Variants in SLC25A13 observed in about 807,000 individuals in gnomAD.
SLC25A13 encodes the protein electrogenic aspartate/glutamate antiporter SLC25A13, mitochondrial.
In SLC25A13, 70 loss-of-function variants were observed where a neutral mutation model predicts 85.5. That is an observed-to-expected ratio of 0.82 (90% confidence interval 0.68 to 1.00). The LOEUF (loss-of-function observed/expected upper bound fraction) is 1.00, where lower values mean the gene tolerates loss of function less well. Ranked by LOEUF, SLC25A13 falls within the 50% of genes least tolerant of loss-of-function variation. The probability of loss-of-function intolerance (pLI) is 0.00; values close to 1 mark genes in which losing one functional copy is unlikely to be tolerated. For synonymous variants in SLC25A13, 259 were observed against 288.7 expected (o/e 0.90, Z 1.04); for missense variants, 765 against 819.8 (o/e 0.93, Z 0.82).
chr7:96,191,097 A>G lies in SLC25A13; in HGVS notation c.754+12T>C. 1 of 1,613,934 alleles carries G rather than the reference A, an allele frequency of 6.2e-7. No homozygotes were observed. The highest frequency in any genetic ancestry group is 8.5e-7 in the Non-Finnish European group (1 of 1,179,964). ...TACTTGCAGGCTAGAATTCAGATAT[A>G]TTCTCACTCACCCTTAGTCACTTCA... On this transcript the variant is annotated intron_variant, in intron 7 of 17. Transcript: ENST00000265631.
At chr7:96,243,913 G>T (rs1353705437) in intron 3 of SLC25A13, among the ~76,000 whole-genome samples, 2 of 152,122 alleles carry the variant, frequency 1.3e-5, no homozygotes, top group East Asian at 3.9e-4. Flanking sequence ...ATCAGCTGCT[G>T]TTGAAGGGTT....
chr7:96,274,965 T>C lies in SLC25A13; in HGVS notation c.212+2231A>G, dbSNP rs552152707. 2.6e-5 allele frequency among the ~76,000 whole-genome samples: 4 copies of C among 152,328 alleles called. No individual in the cohort carries two copies. The East Asian group carries it at 7.7e-4, about 29-fold the overall frequency. Reference sequence around the variant, plus strand: ...CATGATGCCTCCAGCTTTGTTCTTTTGGTTTAGGATTGACTTGGCAATGTG... The same window carrying C: ...CATGATGCCTCCAGCTTTGTTCTTTCGGTTTAGGATTGACTTGGCAATGTG... On this transcript the variant is annotated intron_variant, in intron 3 of 17. Coordinates refer to ENST00000265631, the MANE Select transcript of SLC25A13 (RefSeq NM_014251.3).
At chr7:96,170,872 G>A (rs1474218282) in intron 12 of SLC25A13, among the ~76,000 whole-genome samples, 1 of 152,132 alleles carries the variant, frequency 6.6e-6, no homozygotes, top group Non-Finnish European at 1.5e-5. Flanking sequence ...CGCTTAAACT[G>A]AATATCAACC....
At chr7:96,170,692 A>G (rs6954407) in intron 12 of SLC25A13, among the ~76,000 whole-genome samples, 8,745 of 152,302 alleles carry the variant, frequency 0.057, 273 homozygotes, top group Non-Finnish European at 0.075. Context: ...AAACAGTCAT[A>G]TCTTTTTGGC....
At chr7:96,257,227 G>A (rs1372750685) in intron 3 of SLC25A13, among the ~76,000 whole-genome samples, 2 of 152,098 alleles carry the variant, frequency 1.3e-5, no homozygotes, top group Non-Finnish European at 2.9e-5. Context: ...CAGAACTGAA[G>A]GAGACACAGA....
At chr7:96,141,753 G>C (rs1349870316) in intron 14 of SLC25A13, among the ~76,000 whole-genome samples, 1 of 152,118 alleles carries the variant, frequency 6.6e-6, no homozygotes, top group Non-Finnish European at 1.5e-5. Context: ...TTTAAAAGAT[G>C]ATAAACTGAA....
At chr7:96,182,677 A>G (rs536517815) in intron 11 of SLC25A13, among the ~76,000 whole-genome samples, 1 of 152,350 alleles carries the variant, frequency 6.6e-6, no homozygotes, top group African/African-American at 2.4e-5. Context: ...CCAACAGTAC[A>G]GGTTGCAAAA....
Position 96,121,211 on chromosome 7 carries a change from C to T in SLC25A13, c.2008G>A (p.Ala670Thr), listed in dbSNP as rs764619502. The T allele has an allele frequency of 1.2e-6, 2 of 1,614,150 alleles. No individual in the cohort carries two copies. Among genetic ancestry groups the T allele is most frequent in the Non-Finnish European group, 1.7e-6 (2 of 1,180,006 alleles). The change falls in exon 18 of 18, where the codon GCT (alanine) becomes ACT (threonine). Residue 670 changes from alanine (A) to threonine (T), a missense_variant. Transcript: ENST00000265631. Reference sequence around the variant, plus strand: ...TCTTCCTATGGGCCTCCACCAATAGCCTTTGAGGTAGATACTGATGGCTTG... The same window carrying T: ...TCTTCCTATGGGCCTCCACCAATAGTCTTTGAGGTAGATACTGATGGCTTG... Reference protein sequence around the residue: ...LFKPSVSTSKAIGGGP With the variant: ...LFKPSVSTSKTIGGGP
At chr7:96,277,665 C>T (rs1193344765) in intron 2 of SLC25A13, among the ~76,000 whole-genome samples, 4 of 152,084 alleles carry the variant, frequency 2.6e-5, no homozygotes, top group Admixed American at 2.0e-4. Context: ...TCCAACAATA[C>T]ACAGGATGAC....
intron 15 of SLC25A13, among the ~76,000 whole-genome samples, chr7:96,128,323 A>T (rs1480556750): frequency 6.6e-6 from 1 of 152,296 alleles, no homozygotes; most frequent in Non-Finnish European, 1.5e-5. Context: ...GAACCTCCAA[A>T]ATATGGCTGA....
intron 11 of SLC25A13, among the ~76,000 whole-genome samples, chr7:96,178,303 G>A (rs577737820): frequency 1.1e-4 from 16 of 152,276 alleles, no homozygotes; most frequent in African/African-American, 3.9e-4. Flanking sequence ...CAGGACCACA[G>A]AGGTGGAGGG....
chr7:96,276,201 G>C (rs988316300), intron 3 of SLC25A13, among the ~76,000 whole-genome samples: 3 of 152,210 alleles, frequency 2.0e-5, no homozygotes, highest in Non-Finnish European at 1.5e-5. Flanking sequence ...GTTAGTTCTT[G>C]TACATTATAC....
At chr7:96,166,739 A>G (rs1793764045) in intron 13 of SLC25A13, among the ~76,000 whole-genome samples, 1 of 152,206 alleles carries the variant, frequency 6.6e-6, no homozygotes, top group African/African-American at 2.4e-5. Flanking sequence ...CAGAGGTAAT[A>G]CATCAATTTT....
chr7:96,216,720 G>C (rs1429143573), intron 4 of SLC25A13, among the ~76,000 whole-genome samples: 3 of 152,124 alleles, frequency 2.0e-5, no homozygotes, highest in Non-Finnish European at 4.4e-5. Flanking sequence ...ACACAGAGGA[G>C]AACAAGAGAC....
intron 4 of SLC25A13, among the ~76,000 whole-genome samples, chr7:96,222,868 C>G (rs903669348): frequency 2.0e-5 from 3 of 152,078 alleles, no homozygotes; most frequent in African/African-American, 7.3e-5. Context: ...CTTCATATAT[C>G]CAAAACCAAA....
At chr7:96,243,033 C>T (rs902233701) in intron 3 of SLC25A13, among the ~76,000 whole-genome samples, 6 of 152,102 alleles carry the variant, frequency 3.9e-5, no homozygotes, top group Non-Finnish European at 7.4e-5. Context: ...GGCGTGATCT[C>T]GGCTCACTGC....
intron 4 of SLC25A13, among the ~76,000 whole-genome samples, chr7:96,209,943 T>G (rs2116721702): frequency 6.6e-6 from 1 of 152,232 alleles, no homozygotes; most frequent in African/African-American, 2.4e-5. Context: ...CTTGATACCT[T>G]TTTTTCTCTT....
chr7:96,234,329 G>A (rs1242672975), intron 4 of SLC25A13, among the ~76,000 whole-genome samples: 5 of 152,132 alleles, frequency 3.3e-5, no homozygotes, highest in Admixed American at 2.6e-4. Flanking sequence ...TTAGAACAAG[G>A]TCCTTCATGT....
chr7:96,208,906 C>A lies in SLC25A13; in HGVS notation c.400G>T (p.Val134Leu), dbSNP rs1483802203. ...CTTTCTTTTCCAAAATGTAGTTGCA[C>A]AAATTCTGAATCCCAGTTAAATGGA... ...HIPFNWDSEFVQLHFGKERKR... is the reference protein window; with the variant it reads ...HIPFNWDSEFLQLHFGKERKR... Residue 134 changes from valine (V) to leucine (L), a missense_variant, in exon 5 of 18, where the codon GTG becomes TTG. By Grantham distance (32) the Val-to-Leu change is conservative. Coordinates refer to ENST00000265631, the MANE Select transcript of SLC25A13 (RefSeq NM_014251.3). 5 of 1,614,050 alleles carry A rather than the reference C, an allele frequency of 3.1e-6. No individual in the cohort carries two copies. The highest frequency in any genetic ancestry group is 4.2e-6 in the Non-Finnish European group (5 of 1,179,970).
Sources: gnomAD v4.1 joint callset for allele counts (sites outside exome capture counted in the v4.1 genomes callset) on GRCh38, gnomAD v4.1.1 for gene constraint, MANE v1.5 for transcripts, NCBI Gene and HGNC (gene_info 2026-07-23, HGNC 2026-07-21) for gene names.